Variants in ARHGAP24 observed in about 807,000 individuals in gnomAD.
ARHGAP24 encodes Rho GTPase activating protein 24.
A neutral mutation model predicts 76.4 loss-of-function variants in ARHGAP24; 50 were observed. The observed-to-expected ratio is 0.65, with a 90% confidence interval of 0.52 to 0.83. ARHGAP24 has a LOEUF of 0.83. Among genes scored for constraint, ARHGAP24 ranks in the 40% least tolerant of loss-of-function variants. ARHGAP24 has a pLI of 0.00. For synonymous variants in ARHGAP24, 345 were observed against 323.3 expected (o/e 1.07, Z -0.72); for missense variants, 930 against 914.2 (o/e 1.02, Z -0.22).
At chr4:85,731,713 A>C (rs1014114489) in intron 3 of ARHGAP24, among the ~76,000 whole-genome samples, 1 of 152,220 alleles carries the variant, frequency 6.6e-6, no homozygotes, top group African/African-American at 2.4e-5. Context: ...TTGCGTTAAT[A>C]TATTATCATG....
At chr4:85,783,349 C>T (rs1727651377) in intron 3 of ARHGAP24, among the ~76,000 whole-genome samples, 1 of 152,080 alleles carries the variant, frequency 6.6e-6, no homozygotes, top group African/African-American at 2.4e-5. Context: ...TGTTGGGGAC[C>T]TACATTGTTT....
intron 2 of ARHGAP24, among the ~76,000 whole-genome samples, chr4:85,709,622 C>A (rs1022020811): frequency 6.6e-6 from 1 of 152,018 alleles, no homozygotes; most frequent in Non-Finnish European, 1.5e-5. Context: ...ATTAATGACC[C>A]CTTGTCAGCA....
At chr4:85,759,364 C>T (rs1278707457) in intron 3 of ARHGAP24, among the ~76,000 whole-genome samples, 6 of 151,912 alleles carry the variant, frequency 3.9e-5, no homozygotes, top group Non-Finnish European at 5.9e-5. Context: ...CTGAACCAGC[C>T]CTCAAAATAT....
Position 86,000,654 on chromosome 4 carries a change from T to C in ARHGAP24, c.2179T>C (p.Ser727Pro). Residue 727 changes from serine (S) to proline (P), a missense_variant, in exon 10 of 10, where the codon TCC (serine) becomes CCC (proline). Transcript: ENST00000395184. ...ACAGAAAGAAATGGAGCAGTTTTTT[T>C]CCACGTTTGGAGAACTGACAGTGGA... ...MLQKEMEQFF[S>P]TFGELTVEPR... The C allele has an allele frequency of 6.2e-7, 1 of 1,614,076 alleles. No individual in the cohort carries two copies. The highest frequency in any genetic ancestry group is 8.5e-7 in the Non-Finnish European group (1 of 1,179,980).
chr4:85,694,189 G>C (rs1333079651), intron 2 of ARHGAP24, among the ~76,000 whole-genome samples: 1 of 151,202 alleles, frequency 6.6e-6, no homozygotes. Flanking sequence ...TTCTTGGTGG[G>C]AGCAGCACTT....
intron 3 of ARHGAP24, among the ~76,000 whole-genome samples, chr4:85,900,520 G>A (rs1420773786): frequency 6.6e-6 from 1 of 151,308 alleles, no homozygotes; most frequent in Non-Finnish European, 1.5e-5. Flanking sequence ...GCATGATCTC[G>A]GCCCATTGCA....
intron 2 of ARHGAP24, among the ~76,000 whole-genome samples, chr4:85,642,862 C>T (rs1050861753): frequency 4.6e-5 from 7 of 152,136 alleles, no homozygotes; most frequent in Non-Finnish European, 1.0e-4. Context: ...ATAGTCCCGT[C>T]GTTCTCAGAA....
intron 3 of ARHGAP24, among the ~76,000 whole-genome samples, chr4:85,801,029 C>T (rs1223923574): frequency 6.6e-6 from 1 of 152,136 alleles, no homozygotes; most frequent in Non-Finnish European, 1.5e-5. Context: ...TGGTACGGCT[C>T]TAAGATGAAC....
At chr4:85,492,786 A>G (rs1295408787) in intron 1 of ARHGAP24, among the ~76,000 whole-genome samples, 1 of 152,228 alleles carries the variant, frequency 6.6e-6, no homozygotes, top group Non-Finnish European at 1.5e-5. Flanking sequence ...AAATGTTAGC[A>G]TTTTAGAGTT....
intron 3 of ARHGAP24, among the ~76,000 whole-genome samples, chr4:85,887,109 A>G (rs1378455919): frequency 6.6e-6 from 1 of 152,164 alleles, no homozygotes; most frequent in Non-Finnish European, 1.5e-5. Context: ...AAATATTTGT[A>G]TCATCTATAT....
At chr4:85,674,878 A>G (rs1722919700) in intron 2 of ARHGAP24, among the ~76,000 whole-genome samples, 1 of 152,216 alleles carries the variant, frequency 6.6e-6, no homozygotes, top group East Asian at 1.9e-4. Context: ...CTTATGGATT[A>G]TGGGGACAAA....
At chr4:85,633,510 C>A (rs141427536) in intron 2 of ARHGAP24, among the ~76,000 whole-genome samples, 45 of 151,852 alleles carry the variant, frequency 3.0e-4, no homozygotes, top group African/African-American at 9.9e-4. Flanking sequence ...TAATGCAGAT[C>A]ACTCCTTGAA....
chr4:85,643,091 T>A (rs1433590803), intron 2 of ARHGAP24, among the ~76,000 whole-genome samples: 1 of 152,106 alleles, frequency 6.6e-6, no homozygotes, highest in Non-Finnish European at 1.5e-5. Flanking sequence ...TTCCTTCATT[T>A]CATCTTTGTG....
intron 4 of ARHGAP24, 138 bp downstream of exon 4, chr4:85,923,908 T>C (rs902302020): frequency 7.8e-7 from 1 of 1,281,696 alleles, no homozygotes; most frequent in African/African-American, 1.5e-5. Context: ...TTCAACATTA[T>C]TGTTAGACGT....
chr4:85,867,495 C>A (rs979474415), intron 3 of ARHGAP24, among the ~76,000 whole-genome samples: 2 of 152,020 alleles, frequency 1.3e-5, no homozygotes, highest in Non-Finnish European at 2.9e-5. Flanking sequence ...TGGCAAAAAG[C>A]AATAATAAAC....
At chr4:85,889,904 G>A (rs1733790422) in intron 3 of ARHGAP24, among the ~76,000 whole-genome samples, 1 of 151,996 alleles carries the variant, frequency 6.6e-6, no homozygotes, top group South Asian at 2.1e-4. Context: ...GACCCTCCAA[G>A]ACTTTTATTG....
intron 2 of ARHGAP24, among the ~76,000 whole-genome samples, chr4:85,641,420 G>T (rs1487756253): frequency 6.6e-6 from 1 of 152,186 alleles, no homozygotes; most frequent in Non-Finnish European, 1.5e-5. Flanking sequence ...CAATACTGGA[G>T]GTGAGAAATC....
intron 3 of ARHGAP24, chr4:85,778,935 C>T: frequency 1.0e-6 from 1 of 985,444 alleles, no homozygotes; most frequent in Non-Finnish European, 1.2e-6. Context: ...CTGGGAACAG[C>T]TGTGCGTAGA....
intron 1 of ARHGAP24, among the ~76,000 whole-genome samples, chr4:85,564,886 G>C (rs1726762414): frequency 1.4e-5 from 2 of 143,144 alleles, no homozygotes; most frequent in East Asian, 2.1e-4. Flanking sequence ...CTGTGGCCGA[G>C]GGGGTTGGGG....
Sources: allele counts gnomAD v4.1 joint callset (sites outside exome capture counted in the v4.1 genomes callset), GRCh38; gene constraint gnomAD v4.1.1; transcripts MANE v1.5; gene names NCBI Gene and HGNC (gene_info 2026-07-23, HGNC 2026-07-21).